The following AKAP19 variants were observed in gnomAD, a reference collection of about 807,000 sequenced individuals.
AKAP19 encodes the protein A-kinase anchoring protein 19.
chr2:190,135,494 T>C, the AKAP19 span, among the ~76,000 whole-genome samples: 1 of 152,182 alleles, frequency 6.6e-6, no homozygotes, highest in East Asian at 1.9e-4. Context: ...CCTTGGTTTC[T>C]CTTCAGTCAA....
At chr2:190,197,090 T>G in the AKAP19 span, among the ~76,000 whole-genome samples, 2 of 152,286 alleles carry the variant, frequency 1.3e-5, no homozygotes, top group East Asian at 3.9e-4. The surrounding 1 kb of genome is among the most constrained non-coding windows in gnomAD (Gnocchi z 4.0). Flanking sequence ...GTCTCTTTTA[T>G]GAGAGCACTA....
chr2:190,066,731 C>A, the AKAP19 span, among the ~76,000 whole-genome samples: 1 of 151,974 alleles, frequency 6.6e-6, no homozygotes, highest in Non-Finnish European at 1.5e-5. Flanking sequence ...GGCAGGAGAC[C>A]CAAAATATAG....
chr2:190,004,654 CTATCATT>C, the AKAP19 span, among the ~76,000 whole-genome samples: 1 of 151,434 alleles, frequency 6.6e-6, no homozygotes, highest in Non-Finnish European at 1.5e-5. Flanking sequence ...ATGTTCTCAT[CTATCATT>C]ATAATCATTT....
the AKAP19 span, among the ~76,000 whole-genome samples, chr2:190,008,958 G>A: frequency 1.3e-5 from 2 of 152,092 alleles, no homozygotes; most frequent in Non-Finnish European, 2.9e-5. Flanking sequence ...GGTGATATTT[G>A]AGGAAAATTT....
the AKAP19 span, among the ~76,000 whole-genome samples, chr2:190,156,871 C>CCTATCCCATCATAGGAAT: frequency 6.6e-6 from 1 of 152,216 alleles, no homozygotes; most frequent in Non-Finnish European, 1.5e-5. Flanking sequence ...AATACATTTA[C>CCTATCCCATCATAGGAAT]CTATCCCATC....
chr2:190,167,489 TC>T, the AKAP19 span, among the ~76,000 whole-genome samples: 12 of 152,188 alleles, frequency 7.9e-5, no homozygotes, highest in Admixed American at 6.5e-5. Context: ...GAGTCTTAAC[TC>T]ATTTCAGCAT....
At chr2:190,147,673 A>G in the AKAP19 span, among the ~76,000 whole-genome samples, 34 of 21,608 alleles carry the variant, frequency 1.6e-3, no homozygotes, top group East Asian at 0.083. Flanking sequence ...TGTGATTTCT[A>G]TCAGCAGAGT....
the AKAP19 span, among the ~76,000 whole-genome samples, chr2:190,004,920 C>G: frequency 3.5e-4 from 54 of 152,260 alleles, no homozygotes; most frequent in African/African-American, 1.3e-3. Context: ...TTACTGTGTC[C>G]GCAATTCATT....
At chr2:189,909,430 T>C in the AKAP19 span, among the ~76,000 whole-genome samples, 91 of 152,164 alleles carry the variant, frequency 6.0e-4, no homozygotes, top group African/African-American at 2.0e-3. Flanking sequence ...CTTTGTTTCT[T>C]TCTGTCTCTC....
chr2:189,975,501 G>A, the AKAP19 span, among the ~76,000 whole-genome samples: 7 of 152,130 alleles, frequency 4.6e-5, no homozygotes, highest in African/African-American at 1.7e-4. Flanking sequence ...GGCGTTCTCT[G>A]TATTTCCTGA....
At chr2:190,194,212 A>C in the AKAP19 span, among the ~76,000 whole-genome samples, 2 of 152,148 alleles carry the variant, frequency 1.3e-5, no homozygotes, top group Non-Finnish European at 2.9e-5. Flanking sequence ...AAGAATATGT[A>C]ATAGTTGTTG....
the AKAP19 span, among the ~76,000 whole-genome samples, chr2:190,167,063 A>G: frequency 4.6e-5 from 7 of 152,342 alleles, no homozygotes; most frequent in Middle Eastern, 3.4e-3. Flanking sequence ...TAAGAAAAAT[A>G]TAGGGTATTA....
At chr2:190,189,032 G>A in the AKAP19 span, among the ~76,000 whole-genome samples, 2 of 152,128 alleles carry the variant, frequency 1.3e-5, no homozygotes, top group Non-Finnish European at 2.9e-5. Context: ...TCCCAACACA[G>A]GACTTGAAGG....
the AKAP19 span, among the ~76,000 whole-genome samples, chr2:189,906,313 T>C: frequency 2.6e-5 from 4 of 152,072 alleles, no homozygotes; most frequent in Non-Finnish European, 4.4e-5. Flanking sequence ...CAGTTCACTG[T>C]AGAACATTTG....
chr2:190,192,326 A>G, the AKAP19 span, among the ~76,000 whole-genome samples: 1 of 152,056 alleles, frequency 6.6e-6, no homozygotes, highest in Admixed American at 6.6e-5. Context: ...TTTTGTCAAT[A>G]TAGCACTAAT....
the AKAP19 span, among the ~76,000 whole-genome samples, chr2:189,913,188 T>C: frequency 6.6e-6 from 1 of 152,126 alleles, no homozygotes; most frequent in Admixed American, 6.5e-5. Context: ...ATGTCTTTAA[T>C]AAAAGAAAAG....
the AKAP19 span, among the ~76,000 whole-genome samples, chr2:190,023,218 C>T: frequency 2.0e-4 from 30 of 152,032 alleles, no homozygotes; most frequent in South Asian, 5.2e-3. Context: ...TTTTTATAAA[C>T]ACATTAAACA....
the AKAP19 span, among the ~76,000 whole-genome samples, chr2:189,899,084 A>T: frequency 6.6e-6 from 1 of 151,714 alleles, no homozygotes; most frequent in Non-Finnish European, 1.5e-5. Flanking sequence ...ATACATATCC[A>T]ATTTCCACCT....
At chr2:190,189,493 A>G in the AKAP19 span, among the ~76,000 whole-genome samples, 1 of 152,208 alleles carries the variant, frequency 6.6e-6, no homozygotes, top group African/African-American at 2.4e-5. Flanking sequence ...GTAACTGAAG[A>G]ACAGTTGTTT....
Sources: allele counts gnomAD v4.1 joint callset (sites outside exome capture counted in the v4.1 genomes callset), GRCh38; gene constraint gnomAD v4.1.1; non-coding constraint Gnocchi (gnomAD v3.1); transcripts MANE v1.5; gene names NCBI Gene and HGNC (gene_info 2026-07-23, HGNC 2026-07-21).